The following GBE1 variants were observed in gnomAD, a reference collection of about 807,000 sequenced individuals.
GBE1 encodes the protein 1,4-alpha-glucan branching enzyme 1.
A neutral mutation model predicts 88.8 loss-of-function variants in GBE1; 70 were observed. The observed-to-expected ratio is 0.79, with a 90% CI of 0.65 to 0.96. The LOEUF (loss-of-function observed/expected upper bound fraction) is 0.96. Ranked by LOEUF, GBE1 falls within the 40% of genes least tolerant of loss-of-function variation. The pLI, the probability that GBE1 is intolerant of heterozygous loss-of-function variation, is 0.00. For missense variants in GBE1, 872 were observed against 871.0 expected, an observed-to-expected ratio of 1.00 and a Z score of -0.01; for synonymous variants, 284 against 300.1, an observed-to-expected ratio of 0.95 and a Z score of 0.56.
chr3:81,689,387 T>C (rs1267809801), intron 2 of GBE1, among the ~76,000 whole-genome samples: 1 of 152,250 alleles, frequency 6.6e-6, no homozygotes, highest in South Asian at 2.1e-4. Context: ...TGTTCAAGAA[T>C]GAATCTGACT....
intron 12 of GBE1, among the ~76,000 whole-genome samples, chr3:81,560,021 C>T (rs928125426): frequency 6.6e-6 from 1 of 151,948 alleles, no homozygotes; most frequent in Admixed American, 6.6e-5. Context: ...TATATGTTCA[C>T]ATAGCTTTCA....
intron 1 of GBE1, among the ~76,000 whole-genome samples, chr3:81,749,343 CA>C (rs933313435): frequency 6.6e-5 from 10 of 151,042 alleles, no homozygotes; most frequent in Non-Finnish European, 1.0e-4. Flanking sequence ...AAAAAAAGGC[CA>C]AAAAAGCCAC....
intron 1 of GBE1, among the ~76,000 whole-genome samples, chr3:81,735,239 C>T (rs1706242923): frequency 6.6e-6 from 1 of 152,122 alleles, no homozygotes; most frequent in Non-Finnish European, 1.5e-5. Flanking sequence ...TATTTGATCT[C>T]CAAGATCCAT....
At chr3:81,638,384 A>C (rs531938118) in intron 7 of GBE1, among the ~76,000 whole-genome samples, 1 of 152,302 alleles carries the variant, frequency 6.6e-6, no homozygotes, top group African/African-American at 2.4e-5. Flanking sequence ...TATTTAACGA[A>C]CAAAAGATAT....
At chr3:81,540,842 T>C (rs1703134414) in intron 12 of GBE1, among the ~76,000 whole-genome samples, 1 of 152,056 alleles carries the variant, frequency 6.6e-6, no homozygotes, top group African/African-American at 2.4e-5. Flanking sequence ...AAAGCCTCAC[T>C]ATTCTACATG....
rs2290081 is a variant in GBE1 at position 81,761,574 on chromosome 3, C to T, written c.-57G>A. ...AGAGGTCGAGTGGGGCCTGAGCGGG[C>T]GCTGGAGCTCTAGCTGGGACGCGGC... On this transcript the variant is annotated 5_prime_UTR_variant, in exon 1 of 16. Coordinates refer to ENST00000429644, the MANE Select transcript of GBE1 (RefSeq NM_000158.4). 553,049 of 1,547,686 alleles carry T rather than the reference C, an allele frequency of 0.36. 101,208 individuals carry two copies. Among genetic ancestry groups the T allele is most frequent in the East Asian group, 0.53 (21,706 of 41,196 alleles).
intron 14 of GBE1, among the ~76,000 whole-genome samples, chr3:81,531,395 T>C (rs1001486943): frequency 6.0e-5 from 9 of 150,822 alleles, no homozygotes; most frequent in Non-Finnish European, 1.0e-4. Flanking sequence ...CAGGCAGGAG[T>C]CTCTTCCCAT....
Position 81,649,860 on chromosome 3 carries a change from A to G in GBE1, c.491T>C (p.Val164Ala), listed in dbSNP as rs747489752. The stretch of plus-strand genomic sequence containing the variant: ...ATTCACATTATCACCTTCACGAACC[A>G]CATACTTTGCCCACGGTGAAATACG... ...LYRISPWAKY[V>A]VREGDNVNYD... The change falls in exon 4 of 16, where the codon GTG (valine) becomes GCG (alanine). Residue 164 changes from valine to alanine, a missense_variant. By Grantham distance (64) the Val-to-Ala change is moderately conservative. Coordinates refer to ENST00000429644, the MANE Select transcript of GBE1 (RefSeq NM_000158.4). The G allele has an allele frequency of 1.2e-6, 2 of 1,611,568 alleles. No homozygotes were observed. The highest frequency in any genetic ancestry group is 1.7e-6 in the Non-Finnish European group (2 of 1,178,012).
intron 7 of GBE1, among the ~76,000 whole-genome samples, chr3:81,637,020 T>C (rs1312275569): frequency 6.6e-6 from 1 of 152,148 alleles, no homozygotes; most frequent in East Asian, 1.9e-4. Flanking sequence ...CCATGGATAA[T>C]ACCAAACCCT....
chr3:81,515,861 A>G (rs1164698151), intron 14 of GBE1, among the ~76,000 whole-genome samples: 1 of 151,602 alleles, frequency 6.6e-6, no homozygotes, highest in Non-Finnish European at 1.5e-5. Context: ...CATAAGTCAA[A>G]GCCTAATCCA....
chr3:81,743,719 C>G, intron 1 of GBE1: 1 of 810,576 alleles, frequency 1.2e-6, no homozygotes, highest in East Asian at 3.0e-5. Flanking sequence ...TTTACTTTGT[C>G]TGGCCCATGT....
chr3:81,687,055 A>G (rs150902948), intron 2 of GBE1, among the ~76,000 whole-genome samples: 7 of 152,336 alleles, frequency 4.6e-5, no homozygotes, highest in African/African-American at 1.7e-4. Flanking sequence ...TTCGAAAACA[A>G]TAAATACTCT....
chr3:81,567,841 T>C (rs1316182804), intron 12 of GBE1, among the ~76,000 whole-genome samples: 5 of 152,224 alleles, frequency 3.3e-5, no homozygotes, highest in Admixed American at 2.6e-4. Context: ...ACAAAGGTTA[T>C]CTTTGTCAAA....
intron 12 of GBE1, among the ~76,000 whole-genome samples, chr3:81,549,010 G>A (rs1703240907): frequency 7.4e-6 from 1 of 135,178 alleles, no homozygotes; most frequent in Non-Finnish European, 1.6e-5. Context: ...TCCAGAATTT[G>A]GAAACTATTT....
intron 10 of GBE1, among the ~76,000 whole-genome samples, chr3:81,581,835 T>C (rs1252778315): frequency 6.6e-6 from 1 of 152,068 alleles, no homozygotes; most frequent in African/African-American, 2.4e-5. Context: ...TCTGGCTCTG[T>C]CCCTCTAACA....
At chr3:81,760,945 G>C (rs937163326) in intron 1 of GBE1, among the ~76,000 whole-genome samples, 2 of 152,240 alleles carry the variant, frequency 1.3e-5, no homozygotes, top group Admixed American at 6.5e-5. Context: ...AAATAAACTA[G>C]AAAGTTTTAA....
intron 7 of GBE1, among the ~76,000 whole-genome samples, chr3:81,637,855 T>G (rs548011958): frequency 2.0e-4 from 30 of 152,212 alleles, no homozygotes; most frequent in Middle Eastern, 6.8e-3. Flanking sequence ...TAATATCATA[T>G]ATAATTAAGC....
intron 14 of GBE1, among the ~76,000 whole-genome samples, chr3:81,518,084 A>C (rs1009362865): frequency 6.6e-6 from 1 of 151,410 alleles, no homozygotes; most frequent in Non-Finnish European, 1.5e-5. Flanking sequence ...TTGGGCACAA[A>C]TGTTCCTCCC....
At chr3:81,524,422 C>T (rs922111932) in intron 14 of GBE1, among the ~76,000 whole-genome samples, 1 of 151,700 alleles carries the variant, frequency 6.6e-6, no homozygotes, top group African/African-American at 2.4e-5. Context: ...AAATATTTTT[C>T]CCATAATGTG....
Sources: gnomAD v4.1 joint callset for allele counts (sites outside exome capture counted in the v4.1 genomes callset) on GRCh38, gnomAD v4.1.1 for gene constraint, MANE v1.5 for transcripts, NCBI Gene and HGNC (gene_info 2026-07-23, HGNC 2026-07-21) for gene names.